MAT2B: variants seen among roughly 807,000 people sequenced by gnomAD.
MAT2B encodes the protein methionine adenosyltransferase 2 non-catalytic beta subunit.
Under a neutral mutation model 36.1 loss-of-function variants are expected in MAT2B, and 16 were observed. That is an observed-to-expected ratio of 0.44 (90% CI 0.30 to 0.67). The LOEUF (loss-of-function observed/expected upper bound fraction) is 0.67, where lower values mean the gene tolerates loss of function less well. Ranked by LOEUF, MAT2B falls within the 30% of genes least tolerant of loss-of-function variation. The pLI is 0.09. For missense variants in MAT2B, 332 were observed against 398.2 expected (o/e 0.83, Z 1.42); for synonymous variants, 148 against 136.9 (o/e 1.08, Z -0.57).
At chr5:163,515,770 CTTTTTTTTT>C (rs66978639) in intron 4 of MAT2B, among the ~76,000 whole-genome samples, 7 of 69,780 alleles carry the variant, frequency 1.0e-4, no homozygotes, top group Admixed American at 1.8e-4. Flanking sequence ...TTGCCTTTTT[CTTTTTTTTT>C]TTTTTTTTTT....
At chr5:163,510,500 A>T (rs763873994) in intron 1 of MAT2B, among the ~76,000 whole-genome samples, 1 of 150,564 alleles carries the variant, frequency 6.6e-6, no homozygotes, top group Admixed American at 6.6e-5. Flanking sequence ...GGTTCAAGCA[A>T]TTCTCCCGCC....
chr5:163,516,949 C>T (rs539815155), intron 5 of MAT2B: 205 of 586,180 alleles, frequency 3.5e-4, no homozygotes, highest in Non-Finnish European at 5.1e-4. Context: ...TCTTTTATTG[C>T]AAAGTGTTAG....
At chr5:163,504,008 C>T (rs1363730), upstream of MAT2B, among the ~76,000 whole-genome samples, 24,743 of 152,182 alleles carry the variant, frequency 0.16, 2,367 homozygotes, top group African/African-American at 0.27. Flanking sequence ...TAAATTCTTT[C>T]TGTTCCTCAA....
At chr5:163,503,481 C>A (rs1759880670), upstream of MAT2B, 1 of 1,504,384 alleles carries the variant, frequency 6.6e-7, no homozygotes, top group Admixed American at 1.7e-5. Flanking sequence ...GCTTTAAAAG[C>A]ATTCCAGTGA....
intron 5 of MAT2B, chr5:163,516,958 AG>A: frequency 1.7e-6 from 1 of 580,038 alleles, no homozygotes; most frequent in Non-Finnish European, 3.0e-6. Context: ...GCAAAGTGTT[AG>A]GAAACTTCAA....
At chr5:163,511,142 C>G (rs1760034042) in intron 1 of MAT2B, among the ~76,000 whole-genome samples, 1 of 152,160 alleles carries the variant, frequency 6.6e-6, no homozygotes, top group Non-Finnish European at 1.5e-5. Context: ...TTTACTAACT[C>G]ATTTGGGTAT....
chr5:163,507,988 G>C (rs1272784236), intron 1 of MAT2B, among the ~76,000 whole-genome samples: 1 of 152,196 alleles, frequency 6.6e-6, no homozygotes, highest in Non-Finnish European at 1.5e-5. Flanking sequence ...ATTTACCAAT[G>C]AGGAATTAGA....
At position 163,512,111 on chromosome 5, in the gene MAT2B, G is replaced by A. The variant is rs756473772; in HGVS notation, c.173G>A (p.Cys58Tyr). ...FQQNNWHAVG[C>Y]GFRRARPKFE... Reference sequence around the variant, plus strand: ...CAGAATAATTGGCATGCAGTTGGCTGTGGTTTCAGAAGAGCAAGACCAAAA... The same window carrying A: ...CAGAATAATTGGCATGCAGTTGGCTATGGTTTCAGAAGAGCAAGACCAAAA... Residue 58 changes from cysteine (C) to tyrosine (Y), a missense_variant, in exon 2 of 7, where the codon TGT becomes TAT. Transcript: ENST00000321757. 3 of 1,614,192 alleles carry A rather than the reference G, an allele frequency of 1.9e-6. No homozygotes were observed. In the South Asian group the frequency reaches 3.3e-5, roughly 18 times the overall value.
chr5:163,513,511 T>A, intron 2 of MAT2B, 44 bp from the exon 3 acceptor site: 1 of 1,152,654 alleles, frequency 8.7e-7, no homozygotes, highest in East Asian at 2.4e-5. Flanking sequence ...AATACCTCTT[T>A]CATTTTATTT....
intron 6 of MAT2B, 72 bp downstream of exon 6, chr5:163,517,746 A>G (rs1179068967): frequency 2.2e-6 from 2 of 911,686 alleles, no homozygotes; most frequent in African/African-American, 3.3e-5. Flanking sequence ...GGGTAACTTC[A>G]TTTCTCAGTA....
chr5:163,505,534 C>T, upstream of MAT2B: 1 of 1,242,328 alleles, frequency 8.0e-7, no homozygotes, highest in Non-Finnish European at 1.0e-6. Flanking sequence ...GGCCAATCAA[C>T]GGGCGCGGCT....
intron 1 of MAT2B, among the ~76,000 whole-genome samples, chr5:163,509,039 T>C (rs1489520145): frequency 6.6e-6 from 1 of 152,196 alleles, no homozygotes; most frequent in Non-Finnish European, 1.5e-5. Flanking sequence ...AAGAGCCTTG[T>C]TCTTCTCTAT....
chr5:163,512,418 T>G, intron 2 of MAT2B: 1 of 567,636 alleles, frequency 1.8e-6, no homozygotes, highest in Non-Finnish European at 3.1e-6. Flanking sequence ...TATAAAATGC[T>G]TATGTTTATA....
At chr5:163,518,109 TA>T (rs1272506341) in intron 6 of MAT2B, 83 bp from the exon 7 acceptor site, 14 of 942,266 alleles carry the variant, frequency 1.5e-5, no homozygotes, top group Non-Finnish European at 1.7e-5. Flanking sequence ...TATACATATT[TA>T]AAAAAAGGTC....
chr5:163,507,063 A>G (rs996563749), intron 1 of MAT2B, among the ~76,000 whole-genome samples: 1 of 123,530 alleles, frequency 8.1e-6, no homozygotes, highest in African/African-American at 3.2e-5. Context: ...GAGAATCTTA[A>G]AAAGTAAAGC....
At chr5:163,513,498 T>C in intron 2 of MAT2B, 57 bp from the exon 3 acceptor site, 1 of 945,294 alleles carries the variant, frequency 1.1e-6, no homozygotes, top group South Asian at 1.4e-5. Flanking sequence ...TTAAGAAGGC[T>C]GTAATACCTC....
chr5:163,516,996 G>A, intron 5 of MAT2B: 1 of 530,124 alleles, frequency 1.9e-6, no homozygotes, highest in Non-Finnish European at 3.3e-6. Context: ...CTTTTAAGAA[G>A]ATACTCTTTG....
chr5:163,513,785 T>G, intron 3 of MAT2B, 57 bp from the exon 4 acceptor site: 1 of 1,551,234 alleles, frequency 6.4e-7, no homozygotes, highest in Non-Finnish European at 8.8e-7. Context: ...CATTCTAAAT[T>G]CCATGAAAGA....
In MAT2B at chr5:163,516,731, C is replaced by CCTG; in HGVS notation, c.720+21_720+23dup. 6.2e-7 allele frequency: 1 copy of CCTG among 1,613,252 alleles called. No individual in the cohort carries two copies. The highest frequency in any genetic ancestry group is 8.5e-7 in the Non-Finnish European group (1 of 1,179,244). ...ATGCTGGTAAGAAGGATTCCTGAGT[C>CCTG]CTGTCTTAGCGAAGGTCCGCTTTGT... On this transcript the variant is annotated intron_variant, in intron 5 of 6. Transcript: ENST00000321757.
Sources: gnomAD v4.1 joint callset for allele counts (sites outside exome capture counted in the v4.1 genomes callset) on GRCh38, gnomAD v4.1.1 for gene constraint, MANE v1.5 for transcripts, NCBI Gene and HGNC (gene_info 2026-07-23, HGNC 2026-07-21) for gene names.